DMRT1: variants seen among roughly 807,000 people sequenced by gnomAD.
The protein encoded by DMRT1 is doublesex- and mab-3-related transcription factor 1.
Under a neutral mutation model 32.3 loss-of-function variants are expected in DMRT1, and 7 were observed. That is an observed-to-expected ratio of 0.22 (90% CI 0.12 to 0.41). The LOEUF (loss-of-function observed/expected upper bound fraction) is 0.41. DMRT1 is among the 10% of genes least tolerant of loss of function. The pLI is 1.00. For missense variants in DMRT1, 625 were observed against 500.5 expected, an observed-to-expected ratio of 1.25 and a Z score of -2.37; for synonymous variants, 278 against 206.1, an observed-to-expected ratio of 1.35 and a Z score of -2.99.
intron 2 of DMRT1, among the ~76,000 whole-genome samples, chr9:891,722 C>T (rs1178518999): frequency 6.6e-6 from 1 of 150,812 alleles, no homozygotes; most frequent in African/African-American, 2.4e-5. Context: ...GACAGGGTTT[C>T]ACCGTGTTAG....
At chr9:863,582 T>G (rs912060) in intron 2 of DMRT1, among the ~76,000 whole-genome samples, 1 of 152,140 alleles carries the variant, frequency 6.6e-6, no homozygotes, top group Non-Finnish European at 1.5e-5. Flanking sequence ...AATTCTGCCA[T>G]CTAACTGATT....
chr9:917,205 G>T (rs1315698801), intron 4 of DMRT1, among the ~76,000 whole-genome samples: 1 of 152,114 alleles, frequency 6.6e-6, no homozygotes, highest in African/African-American at 2.4e-5. Flanking sequence ...AAATACAGGG[G>T]CACTTTAAAT....
intron 2 of DMRT1, among the ~76,000 whole-genome samples, chr9:860,586 T>A: frequency 6.6e-6 from 1 of 152,330 alleles, no homozygotes; most frequent in Admixed American, 6.5e-5. Context: ...CACATGGACC[T>A]TATATCTCTT....
At chr9:897,079 T>G (rs949555814) in intron 3 of DMRT1, among the ~76,000 whole-genome samples, 1 of 140,774 alleles carries the variant, frequency 7.1e-6, no homozygotes, top group African/African-American at 2.7e-5. Context: ...ATACGTTTTA[T>G]TTTTGGAATC....
intron 2 of DMRT1, among the ~76,000 whole-genome samples, chr9:854,798 C>G (rs1249348573): frequency 7.6e-6 from 1 of 131,986 alleles, no homozygotes; most frequent in East Asian, 2.6e-4. Flanking sequence ...CAGAGTCTCA[C>G]TCTGTCACCC....
chr9:843,009 C>T (rs1392606824), intron 1 of DMRT1: 1 of 152,186 alleles, frequency 6.6e-6, no homozygotes, highest in Non-Finnish European at 1.5e-5. Flanking sequence ...TCTCTAGCCC[C>T]GCTCTTCTAG....
intron 4 of DMRT1, among the ~76,000 whole-genome samples, chr9:926,185 A>G (rs1049477617): frequency 1.3e-5 from 2 of 152,188 alleles, no homozygotes; most frequent in Non-Finnish European, 2.9e-5. Flanking sequence ...TTCTCTTTAC[A>G]TTGCTATTCC....
intron 4 of DMRT1, among the ~76,000 whole-genome samples, chr9:936,859 C>T (rs960713968): frequency 4.0e-5 from 6 of 151,862 alleles, no homozygotes; most frequent in African/African-American, 1.5e-4. Flanking sequence ...TCAAAATTTG[C>T]CATTTTAACA....
At chr9:943,539 C>A (rs373764734) in intron 4 of DMRT1, among the ~76,000 whole-genome samples, 1 of 152,326 alleles carries the variant, frequency 6.6e-6, no homozygotes, top group African/African-American at 2.4e-5. Flanking sequence ...ATTTTCTGTG[C>A]AAGTAATACA....
intron 4 of DMRT1, among the ~76,000 whole-genome samples, chr9:936,451 A>G (rs1818887935): frequency 6.6e-6 from 1 of 151,956 alleles, no homozygotes; most frequent in Admixed American, 6.6e-5. Context: ...ATTAGGCTAT[A>G]TTAATAATGT....
At chr9:958,966 C>A (rs537771175) in intron 4 of DMRT1, among the ~76,000 whole-genome samples, 1 of 152,306 alleles carries the variant, frequency 6.6e-6, no homozygotes, top group South Asian at 2.1e-4. Flanking sequence ...TCACACCTTA[C>A]CCTTTCAGAC....
At chr9:929,088 C>G (rs1292270541) in intron 4 of DMRT1, among the ~76,000 whole-genome samples, 2 of 152,068 alleles carry the variant, frequency 1.3e-5, no homozygotes, top group African/African-American at 4.8e-5. Flanking sequence ...ATCTGCCTGC[C>G]TCACCCTCCT....
intron 4 of DMRT1, among the ~76,000 whole-genome samples, chr9:955,062 G>C (rs990573155): frequency 4.6e-5 from 7 of 152,262 alleles, no homozygotes; most frequent in African/African-American, 1.7e-4. Context: ...AGAGAACCCA[G>C]TTCAGCAGTT....
chr9:923,151 C>A (rs1307901090), intron 4 of DMRT1, among the ~76,000 whole-genome samples: 1 of 152,186 alleles, frequency 6.6e-6, no homozygotes, highest in Non-Finnish European at 1.5e-5. Flanking sequence ...CTTAATGCTG[C>A]ATGTCAGACT....
chr9:948,168 G>C (rs140314738), intron 4 of DMRT1, among the ~76,000 whole-genome samples: 56 of 152,288 alleles, frequency 3.7e-4, no homozygotes, highest in African/African-American at 1.2e-3. Context: ...GAACACAGTG[G>C]GGAGCTTGAG....
intron 1 of DMRT1, among the ~76,000 whole-genome samples, chr9:844,869 C>T (rs775276965): frequency 1.3e-5 from 2 of 152,046 alleles, no homozygotes; most frequent in African/African-American, 2.4e-5. Flanking sequence ...TACAGGCACA[C>T]GCCACCACAC....
chr9:914,539 A>C (rs1446868301), intron 3 of DMRT1, among the ~76,000 whole-genome samples: 4 of 131,342 alleles, frequency 3.0e-5, no homozygotes, highest in Non-Finnish European at 4.6e-5. Flanking sequence ...ATGCCACTGC[A>C]GTCCAGCCTG....
At chr9:935,251 G>A (rs1818848326) in intron 4 of DMRT1, among the ~76,000 whole-genome samples, 1 of 152,168 alleles carries the variant, frequency 6.6e-6, no homozygotes. Context: ...ATATCCTCTA[G>A]TGTCCTATAG....
intron 2 of DMRT1, among the ~76,000 whole-genome samples, chr9:863,675 C>G (rs540828891): frequency 6.6e-6 from 1 of 152,178 alleles, no homozygotes; most frequent in African/African-American, 2.4e-5. Flanking sequence ...CGTCAGATTT[C>G]GGACCCACAG....
Sources: gnomAD v4.1 joint callset for allele counts (sites outside exome capture counted in the v4.1 genomes callset) on GRCh38, gnomAD v4.1.1 for gene constraint, MANE v1.5 for transcripts, NCBI Gene and HGNC (gene_info 2026-07-23, HGNC 2026-07-21) for gene names.